Variants in SGCD observed in about 807,000 individuals in gnomAD.
SGCD encodes sarcoglycan delta, also known as delta-sarcoglycan.
SGCD carries 18 observed loss-of-function variants against 36.6 expected under a neutral mutation model. That is an observed-to-expected ratio of 0.49 (90% CI 0.34 to 0.73). The LOEUF (loss-of-function observed/expected upper bound fraction) is 0.73. SGCD is among the 30% of genes least tolerant of loss of function. The pLI is 0.01. For missense variants in SGCD, 387 were observed against 346.7 expected, an observed-to-expected ratio of 1.12 and a Z score of -0.92; for synonymous variants, 133 against 130.6, an observed-to-expected ratio of 1.02 and a Z score of -0.12.
At chr5:156,714,152 A>C (rs1229289254) in intron 7 of SGCD, among the ~76,000 whole-genome samples, 1 of 152,222 alleles carries the variant, frequency 6.6e-6, no homozygotes, top group African/African-American at 2.4e-5. Context: ...ACATTTATTT[A>C]TGGACATGTG....
intron 3 of SGCD, among the ~76,000 whole-genome samples, chr5:156,290,338 T>C (rs1202064145): frequency 6.6e-6 from 1 of 152,148 alleles, no homozygotes; most frequent in Non-Finnish European, 1.5e-5. Flanking sequence ...TCCACAGTGG[T>C]CATTATGTTC....
the SGCD span, among the ~76,000 whole-genome samples, chr5:155,775,454 A>G: frequency 4.6e-5 from 7 of 152,152 alleles, no homozygotes; most frequent in African/African-American, 1.7e-4. Flanking sequence ...TTAGACAACT[A>G]ATAAGATACA....
intron 3 of SGCD, among the ~76,000 whole-genome samples, chr5:156,220,508 A>G (rs933359786): frequency 6.6e-6 from 1 of 152,150 alleles, no homozygotes; most frequent in African/African-American, 2.4e-5. Context: ...CAAATTAATA[A>G]GTGATGTTAT....
chr5:156,297,788 A>T (rs1766935709), intron 3 of SGCD, among the ~76,000 whole-genome samples: 1 of 132,634 alleles, frequency 7.5e-6, no homozygotes, highest in African/African-American at 3.4e-5. Flanking sequence ...AAAGTATAAT[A>T]AAAAAATAAA....
At chr5:156,071,426 T>C (rs1166039673) in intron 1 of SGCD, among the ~76,000 whole-genome samples, 1 of 152,210 alleles carries the variant, frequency 6.6e-6, no homozygotes, top group East Asian at 1.9e-4. Flanking sequence ...TCAGTTTCCA[T>C]GTAGTTGAGC....
At chr5:156,213,480 C>T (rs1435679805) in intron 3 of SGCD, among the ~76,000 whole-genome samples, 1 of 151,982 alleles carries the variant, frequency 6.6e-6, no homozygotes, top group Non-Finnish European at 1.5e-5. Flanking sequence ...GATAAAAAGT[C>T]TCCCACTGAA....
intron 7 of SGCD, among the ~76,000 whole-genome samples, chr5:156,744,584 A>G (rs533220005): frequency 6.6e-6 from 1 of 152,312 alleles, no homozygotes; most frequent in East Asian, 1.9e-4. Context: ...CTCCAGCATC[A>G]GACACAAAGA....
At chr5:156,298,540 T>C (rs1766961455) in intron 3 of SGCD, among the ~76,000 whole-genome samples, 1 of 151,884 alleles carries the variant, frequency 6.6e-6, no homozygotes, top group Non-Finnish European at 1.5e-5. Flanking sequence ...CCTTTTCATA[T>C]ACCTGTTTGC....
intron 1 of SGCD, among the ~76,000 whole-genome samples, chr5:155,927,399 A>C (rs1302447567): frequency 6.6e-6 from 1 of 152,190 alleles, no homozygotes; most frequent in African/African-American, 2.4e-5. Context: ...GTTGGAGCCA[A>C]GGAGAACACA....
At chr5:156,257,388 GGC>G (rs1304280034) in intron 3 of SGCD, among the ~76,000 whole-genome samples, 2 of 151,850 alleles carry the variant, frequency 1.3e-5, no homozygotes, top group African/African-American at 4.8e-5. Flanking sequence ...GCAGGAGAAT[GGC>G]GTGAACCCTG....
At chr5:155,810,795 CTTTTTTTTTTTTTTTTTTTTTTTTT>C in the SGCD span, among the ~76,000 whole-genome samples, 22 of 35,304 alleles carry the variant, frequency 6.2e-4, 1 homozygote, top group Admixed American at 2.9e-3. Context: ...TTAGTGTCTG[CTTTTTTTTTTTTTTTTTTTTTTTTT>C]TTTTTTTTTT....
chr5:156,103,476 A>G (rs138837810), intron 1 of SGCD, among the ~76,000 whole-genome samples: 4 of 152,296 alleles, frequency 2.6e-5, no homozygotes, highest in African/African-American at 9.6e-5. Context: ...ATAATAAAAA[A>G]TTAAATGTTT....
At chr5:156,105,255 A>G (rs1761617046) in intron 1 of SGCD, among the ~76,000 whole-genome samples, 1 of 152,210 alleles carries the variant, frequency 6.6e-6, no homozygotes, top group South Asian at 2.1e-4. Flanking sequence ...GTAAATAAAG[A>G]AAGTACTTCA....
intron 1 of SGCD, among the ~76,000 whole-genome samples, chr5:155,944,729 A>G (rs6894361): frequency 0.13 from 20,033 of 152,152 alleles, 1,830 homozygotes; most frequent in African/African-American, 0.26. Context: ...AAGACAGATA[A>G]TCTGACAAAA....
intron 1 of SGCD, among the ~76,000 whole-genome samples, chr5:156,081,458 T>C (rs190389374): frequency 3.9e-4 from 59 of 152,276 alleles, no homozygotes; most frequent in African/African-American, 1.3e-3. Context: ...AGTGGCACGA[T>C]CATAGTTCAC....
At chr5:156,089,991 G>A (rs534349944) in intron 1 of SGCD, among the ~76,000 whole-genome samples, 1 of 152,246 alleles carries the variant, frequency 6.6e-6, no homozygotes, top group South Asian at 2.1e-4. Context: ...CAGTGGAATG[G>A]AGTTTAAAAT....
intron 1 of SGCD, among the ~76,000 whole-genome samples, chr5:155,884,045 T>G (rs74907643): frequency 0.026 from 3,959 of 152,118 alleles, 166 homozygotes; most frequent in African/African-American, 0.09. Flanking sequence ...CCACTAATAG[T>G]TTTTCAATGT....
At chr5:156,276,615 A>G (rs959971765) in intron 3 of SGCD, among the ~76,000 whole-genome samples, 34 of 152,220 alleles carry the variant, frequency 2.2e-4, no homozygotes, top group African/African-American at 7.7e-4. Flanking sequence ...ATGGTGACAT[A>G]GTTTTAATTT....
intron 1 of SGCD, among the ~76,000 whole-genome samples, chr5:155,946,557 C>T (rs960929690): frequency 1.3e-5 from 2 of 152,052 alleles, no homozygotes; most frequent in East Asian, 1.9e-4. Context: ...TGTGCTGTCC[C>T]CAATCTCCTT....
Sources: allele counts gnomAD v4.1 joint callset (sites outside exome capture counted in the v4.1 genomes callset), GRCh38; gene constraint gnomAD v4.1.1; transcripts MANE v1.5; gene names NCBI Gene and HGNC (gene_info 2026-07-23, HGNC 2026-07-21).